CNRIP1: variants seen among roughly 807,000 people sequenced by gnomAD.
CNRIP1 encodes the protein CB1 cannabinoid receptor-interacting protein 1.
Under a neutral mutation model 15.2 loss-of-function variants are expected in CNRIP1, and 10 were observed. That is an observed-to-expected ratio of 0.66 (90% CI 0.41 to 1.12). The LOEUF (loss-of-function observed/expected upper bound fraction) is 1.12, where lower values mean the gene tolerates loss of function less well. Among genes scored for constraint, CNRIP1 ranks in the 50% most tolerant of loss-of-function variants. The probability of loss-of-function intolerance (pLI) is 0.00; values close to 1 mark genes in which losing one functional copy is unlikely to be tolerated. For missense variants in CNRIP1, 211 were observed against 214.7 expected (o/e 0.98, Z 0.11); for synonymous variants, 91 against 83.2 (o/e 1.09, Z -0.51).
intron 2 of CNRIP1, among the ~76,000 whole-genome samples, chr2:68,287,940 G>T (rs767147166): frequency 1.3e-5 from 2 of 152,174 alleles, no homozygotes; most frequent in African/African-American, 2.4e-5. Context: ...GTCAGTAAAA[G>T]AATTCAGAAA....
intron 1 of CNRIP1, among the ~76,000 whole-genome samples, chr2:68,318,145 A>T (rs1672347277): frequency 6.6e-6 from 1 of 152,062 alleles, no homozygotes; most frequent in Non-Finnish European, 1.5e-5. Context: ...GGGTGCATGG[A>T]GCTGTGGGGG....
intron 2 of CNRIP1, among the ~76,000 whole-genome samples, chr2:68,314,135 A>C (rs769672785): frequency 6.6e-6 from 1 of 152,078 alleles, no homozygotes; most frequent in Non-Finnish European, 1.5e-5. Flanking sequence ...TCATATTAGC[A>C]ATTATTTACC....
chr2:68,284,828 A>T (rs969732359), intron 2 of CNRIP1, among the ~76,000 whole-genome samples: 1 of 151,146 alleles, frequency 6.6e-6, no homozygotes, highest in Non-Finnish European at 1.5e-5. Context: ...AAAAAAAAAA[A>T]GAAAAGAAAA....
chr2:68,305,665 G>A (rs374983010), intron 2 of CNRIP1, among the ~76,000 whole-genome samples: 12 of 151,204 alleles, frequency 7.9e-5, no homozygotes, highest in African/African-American at 1.5e-4. Flanking sequence ...GCATGGTGGC[G>A]AGCACCTGTA....
At chr2:68,298,980 T>C (rs573498228) in intron 2 of CNRIP1, among the ~76,000 whole-genome samples, 11 of 152,340 alleles carry the variant, frequency 7.2e-5, no homozygotes, top group African/African-American at 2.4e-4. Context: ...TATAATTCTG[T>C]ATATTTGTAT....
rs368659683 is a variant in CNRIP1, at chr2:68,303,073, T to C, written c.331-9047A>G. Among the ~76,000 whole-genome samples, 13 of 148,898 alleles carry C rather than the reference T, an allele frequency of 8.7e-5. No individual in the cohort carries two copies. The South Asian group carries it at 1.6e-3, about 18-fold the overall frequency. On this transcript the variant is annotated intron_variant, in intron 2 of 2. Coordinates refer to ENST00000263655, the MANE Select transcript of CNRIP1 (RefSeq NM_015463.3). ...TGTGTTAGCCAGGATGGTCTCGATC[T>C]CCTGACTTCGTGATCCACCCGCCTT...
At chr2:68,304,229 GA>G (rs11315317) in intron 2 of CNRIP1, among the ~76,000 whole-genome samples, 29,216 of 139,914 alleles carry the variant, frequency 0.21, 3,466 homozygotes, top group East Asian at 0.57. Context: ...GTCTCTACTT[GA>G]AAAAAAAAAA....
intron 2 of CNRIP1, among the ~76,000 whole-genome samples, chr2:68,298,257 A>G (rs1005767991): frequency 8.5e-5 from 13 of 152,160 alleles, no homozygotes. Context: ...TTTACAATTC[A>G]ATTAACATTT....
chr2:68,288,645 A>G (rs1415865741), downstream of CNRIP1, among the ~76,000 whole-genome samples: 1 of 152,220 alleles, frequency 6.6e-6, no homozygotes, highest in South Asian at 2.1e-4. Context: ...AATTTGCTAT[A>G]AAGAGAACTA....
Position 68,305,272 on chromosome 2 carries a change from ATATGTGTGTGTGTGTGTG to A in CNRIP1, c.331-11264_331-11247del, listed in dbSNP as rs1262389345. Among the ~76,000 whole-genome samples, 155 of 69,024 alleles carry A rather than the reference ATATGTGTGTGTGTGTGTG, an allele frequency of 2.2e-3. 5 individuals are homozygous for A. Among genetic ancestry groups the A allele is most frequent in the African/African-American group, 6.4e-3 (144 of 22,332 alleles). 45.3% of individuals were successfully genotyped at this position (69,024 alleles called of 152,430 possible). ...AAAAAAAAAAAAAATATATATATATATATGTGTGTGTGTGTGTGTGTGTGTGTGTGTGTGTGTGTGTAC... is the reference window on the plus strand; with the variant it reads ...AAAAAAAAAAAAAATATATATATATATGTGTGTGTGTGTGTGTGTGTGTAC... On this transcript the variant is annotated intron_variant, in intron 2 of 2. Coordinates refer to ENST00000263655, the MANE Select transcript of CNRIP1 (RefSeq NM_015463.3).
In CNRIP1 at chr2:68,293,657, T is replaced by C; in HGVS notation, c.*205A>G. 7.7e-7 allele frequency: 1 copy of C among 1,292,948 alleles called. No homozygotes were observed. Among genetic ancestry groups the C allele is most frequent in the Non-Finnish European group, 9.9e-7 (1 of 1,012,588 alleles). The allele number at this position is 1,292,948 out of a possible 1,614,324, so 80.1% of individuals were successfully genotyped here. On this transcript the variant is annotated 3_prime_UTR_variant, in exon 3 of 3. Transcript: ENST00000263655. ...CAGCACAAAATACAGATGGGAATAT[T>C]CTCGGGAGTGGTACATCACCATCTT...
downstream of CNRIP1, among the ~76,000 whole-genome samples, chr2:68,288,149 TAAG>T (rs937982392): frequency 3.3e-5 from 5 of 152,086 alleles, no homozygotes; most frequent in African/African-American, 1.2e-4. Context: ...CCTGAGTCAG[TAAG>T]AAGATGTGGA....
chr2:68,295,874 T>TC (rs1671337775), intron 2 of CNRIP1, among the ~76,000 whole-genome samples: 1 of 152,178 alleles, frequency 6.6e-6, no homozygotes, highest in South Asian at 2.1e-4. Context: ...TTAAGATGAG[T>TC]CCATTTATTA....
At chr2:68,296,472 G>A (rs956392924) in intron 2 of CNRIP1, among the ~76,000 whole-genome samples, 2 of 151,990 alleles carry the variant, frequency 1.3e-5, no homozygotes, top group Non-Finnish European at 2.9e-5. Context: ...CCAGGAGTTT[G>A]AGGCTGCAGT....
intron 1 of CNRIP1, among the ~76,000 whole-genome samples, chr2:68,317,864 C>T (rs896581731): frequency 2.6e-5 from 4 of 152,182 alleles, no homozygotes; most frequent in African/African-American, 7.2e-5. Context: ...TTAACAAGCA[C>T]TCCAGGTGAT....
At chr2:68,286,747 A>G (rs1671040540) in intron 2 of CNRIP1, among the ~76,000 whole-genome samples, 1 of 152,134 alleles carries the variant, frequency 6.6e-6, no homozygotes, top group Non-Finnish European at 1.5e-5. Flanking sequence ...AGGGTCTATA[A>G]ACTTCTAGAT....
At chr2:68,296,926 G>A (rs529078118) in intron 2 of CNRIP1, among the ~76,000 whole-genome samples, 44 of 152,014 alleles carry the variant, frequency 2.9e-4, no homozygotes, top group Admixed American at 3.9e-4. Context: ...CACCACACCC[G>A]GCCCAACTTC....
chr2:68,316,782 T>G (rs1672288072), intron 2 of CNRIP1: 1 of 450,850 alleles, frequency 2.2e-6, no homozygotes, highest in African/African-American at 2.0e-5. Flanking sequence ...TAGCAAAGTG[T>G]CATTCAAATC....
chr2:68,299,073 C>A (rs1671499373), intron 2 of CNRIP1, among the ~76,000 whole-genome samples: 1 of 152,028 alleles, frequency 6.6e-6, no homozygotes, highest in African/African-American at 2.4e-5. Context: ...AGTTTATGGA[C>A]AAAAAAACTA....
Sources: allele counts gnomAD v4.1 joint callset (sites outside exome capture counted in the v4.1 genomes callset), GRCh38; gene constraint gnomAD v4.1.1; transcripts MANE v1.5; gene names NCBI Gene and HGNC (gene_info 2026-07-23, HGNC 2026-07-21).